MMRN1: variants seen among roughly 807,000 people sequenced by gnomAD.
MMRN1 encodes multimerin 1.
In MMRN1, 94 loss-of-function variants were observed where a neutral mutation model predicts 100.7. The observed-to-expected ratio is 0.93, with a 90% CI of 0.79 to 1.11. The LOEUF (loss-of-function observed/expected upper bound fraction) is 1.11, where lower values mean the gene tolerates loss of function less well. MMRN1 is among the 50% of genes least tolerant of loss of function. The pLI, the probability that MMRN1 is intolerant of heterozygous loss-of-function variation, is 0.00. For synonymous variants in MMRN1, 575 were observed against 505.0 expected (o/e 1.14, Z -1.86); for missense variants, 1,606 against 1,439.1 (o/e 1.12, Z -1.88).
rs187993062 is a variant in MMRN1 at position 89,933,223 on chromosome 4, C to T, written c.1130-1587C>T. Among the ~76,000 whole-genome samples, 282 of 152,300 alleles carry T rather than the reference C, an allele frequency of 1.9e-3. 1 individual carries two copies. Among genetic ancestry groups the T allele is most frequent in the African/African-American group, 6.5e-3 (270 of 41,564 alleles). ...AAGCATATCAAGAATCACCTTTGCT[C>T]CAGTTCCCAATATGTTCCTCATCTC... On this transcript the variant is annotated intron_variant, in intron 5 of 7. Coordinates refer to ENST00000264790, the MANE Select transcript of MMRN1 (RefSeq NM_007351.3).
intron 3 of MMRN1, among the ~76,000 whole-genome samples, chr4:89,913,394 A>T (rs1655490340): frequency 1.3e-5 from 2 of 151,430 alleles, no homozygotes; most frequent in South Asian, 2.1e-4. Flanking sequence ...GCAGGGAAAA[A>T]GTCTACTAAT....
intron 1 of MMRN1, among the ~76,000 whole-genome samples, chr4:89,882,061 T>C (rs769032526): frequency 5.3e-5 from 8 of 151,876 alleles, no homozygotes; most frequent in Non-Finnish European, 1.0e-4. Context: ...TTGGTGATGT[T>C]GATGTATCAC....
intron 3 of MMRN1, among the ~76,000 whole-genome samples, chr4:89,920,116 G>A (rs566105649): frequency 6.6e-6 from 1 of 152,158 alleles, no homozygotes; most frequent in South Asian, 2.1e-4. Context: ...TGATTAACTT[G>A]TAATTAGTTA....
intron 4 of MMRN1, among the ~76,000 whole-genome samples, chr4:89,927,148 A>ATT (rs201261430): frequency 6.9e-6 from 1 of 144,948 alleles, no homozygotes. Flanking sequence ...AAATTTTAGG[A>ATT]TTTTTTTTTT....
chr4:89,883,555 T>A (rs910471368), intron 1 of MMRN1, among the ~76,000 whole-genome samples: 1 of 152,162 alleles, frequency 6.6e-6, no homozygotes, highest in African/African-American at 2.4e-5. Flanking sequence ...TTGTGATGTG[T>A]CTGTTCAGGG....
At position 89,936,760 on chromosome 4, in the gene MMRN1, G is replaced by C; in HGVS notation, c.3080G>C (p.Gly1027Ala). The C allele has an allele frequency of 6.2e-7, 1 of 1,605,026 alleles. No individual in the cohort carries two copies. Among genetic ancestry groups the C allele is most frequent in the South Asian group, 1.1e-5 (1 of 89,034 alleles). ...PTVNLTTVLI[G>A]RTQRNTDNII... ...GTAAATCTTACCACAGTCCTGATAGGCCGGACTCAAAGAAACACGGACAAC... is the reference window on the plus strand; with the variant it reads ...GTAAATCTTACCACAGTCCTGATAGCCCGGACTCAAAGAAACACGGACAAC... The change falls in exon 6 of 8, where the codon GGC becomes GCC. Residue 1027 changes from glycine (G) to alanine (A), a missense_variant. Coordinates refer to ENST00000264790, the MANE Select transcript of MMRN1 (RefSeq NM_007351.3).
chr4:89,918,042 TA>T (rs963800375), intron 3 of MMRN1, among the ~76,000 whole-genome samples: 3 of 151,768 alleles, frequency 2.0e-5, no homozygotes, highest in African/African-American at 4.8e-5. Flanking sequence ...TGCATTTTTT[TA>T]GTTTTGTCAT....
intron 3 of MMRN1, among the ~76,000 whole-genome samples, chr4:89,920,152 T>C (rs1722043045): frequency 6.6e-6 from 1 of 152,192 alleles, no homozygotes; most frequent in East Asian, 1.9e-4. Context: ...TAACTCAGCT[T>C]GTCAGTTATT....
intron 1 of MMRN1, among the ~76,000 whole-genome samples, chr4:89,903,692 T>C (rs963065939): frequency 6.6e-6 from 1 of 151,840 alleles, no homozygotes. Context: ...AATATTATTG[T>C]AGATGCTTCG....
chr4:89,916,854 T>C (rs1323515589), intron 3 of MMRN1, among the ~76,000 whole-genome samples: 3 of 151,780 alleles, frequency 2.0e-5, no homozygotes, highest in Non-Finnish European at 4.4e-5. Context: ...ACATGAATGA[T>C]ATATGTCTCA....
chr4:89,939,075 G>A (rs1007781630), intron 6 of MMRN1, among the ~76,000 whole-genome samples: 2 of 152,102 alleles, frequency 1.3e-5, no homozygotes, highest in Non-Finnish European at 2.9e-5. Context: ...GAAAGATGAT[G>A]AAACCAGTGG....
chr4:89,899,303 T>C (rs1393326368), intron 1 of MMRN1, among the ~76,000 whole-genome samples: 1 of 152,064 alleles, frequency 6.6e-6, no homozygotes, highest in Non-Finnish European at 1.5e-5. Context: ...CCAAGCACTT[T>C]GAAATAGGAA....
At chr4:89,941,911 GAGA>G (rs1722841713) in intron 6 of MMRN1, among the ~76,000 whole-genome samples, 2 of 152,146 alleles carry the variant, frequency 1.3e-5, no homozygotes, top group Admixed American at 1.3e-4. Context: ...GGCTCTCTGG[GAGA>G]AGAACAGACT....
chr4:89,936,706 AG>A lies in MMRN1; in HGVS notation c.3027del (p.Ile1011LeufsTer9). 2 of 1,613,606 alleles carry A rather than the reference AG, an allele frequency of 1.2e-6. No homozygotes were observed. The highest frequency in any genetic ancestry group is 1.1e-5 in the South Asian group (1 of 91,042). On this transcript the variant is annotated frameshift_variant, in exon 6 of 8. Transcript: ENST00000264790. LOFTEE classifies it high-confidence loss of function. ...KSQKQVKSLP[K>X]KINALKKPTV... is the part of the protein sequence containing the mutation. ...CAGAAGCAAGTAAAATCATTGCCAA[AG>A]AAAATTAACGCACTTAAGAAACCAA...
chr4:89,915,532 C>T (rs1721884824), intron 3 of MMRN1, among the ~76,000 whole-genome samples: 1 of 151,366 alleles, frequency 6.6e-6, no homozygotes, highest in Non-Finnish European at 1.5e-5. Context: ...CCATTAATGA[C>T]ATCCTCCATA....
In MMRN1 at chr4:89,953,254, G is replaced by A; in HGVS notation, c.3523G>A (p.Glu1175Lys). 1.2e-6 allele frequency: 2 copies of A among 1,613,874 alleles called. No individual in the cohort carries two copies. The highest frequency in any genetic ancestry group is 2.2e-5 in the South Asian group (2 of 91,072). Residue 1175 changes from glutamate to lysine, a missense_variant, in exon 8 of 8, where the codon GAA becomes AAA. Physicochemically the swap from Glu to Lys is moderately conservative, Grantham distance 56 (BLOSUM62 1). Transcript: ENST00000264790. The stretch of plus-strand genomic sequence containing the variant: ...AATAGACAAGCTTGCATTTGAGTCT[G>A]AAAATATTAACAGTGAAATACACTG... Reference protein sequence around the residue: ...DGIDKLAFESENINSEIHCDR... With the variant: ...DGIDKLAFESKNINSEIHCDR...
At chr4:89,932,949 T>C (rs929748294) in intron 5 of MMRN1, among the ~76,000 whole-genome samples, 3 of 152,196 alleles carry the variant, frequency 2.0e-5, no homozygotes, top group Admixed American at 6.5e-5. Context: ...TTTTTTTCTT[T>C]TCTATTTCAT....
intron 3 of MMRN1, among the ~76,000 whole-genome samples, chr4:89,913,230 TTC>T (rs1363877644): frequency 6.6e-6 from 1 of 151,300 alleles, no homozygotes. Flanking sequence ...ATATTTAGAA[TTC>T]TGTTTCTGAA....
At chr4:89,940,333 C>G (rs1722782335) in intron 6 of MMRN1, among the ~76,000 whole-genome samples, 1 of 152,030 alleles carries the variant, frequency 6.6e-6, no homozygotes, top group South Asian at 2.1e-4. Context: ...CAATTTAGCT[C>G]CCCTTCATAA....
Sources: gnomAD v4.1 joint callset for allele counts (sites outside exome capture counted in the v4.1 genomes callset) on GRCh38, gnomAD v4.1.1 for gene constraint, MANE v1.5 for transcripts, NCBI Gene and HGNC (gene_info 2026-07-23, HGNC 2026-07-21) for gene names.